DEPDC4: variants seen among roughly 807,000 people sequenced by gnomAD.
DEPDC4 encodes DEP domain-containing protein 4.
A neutral mutation model predicts 52.0 loss-of-function variants in DEPDC4; 52 were observed. That is an observed-to-expected ratio of 1.00 (90% confidence interval 0.80 to 1.26). The LOEUF (loss-of-function observed/expected upper bound fraction) is 1.26. Ranked by LOEUF, DEPDC4 falls within the 50% of genes most tolerant of loss-of-function variation. The probability of loss-of-function intolerance (pLI) is 0.00; values close to 1 mark genes in which losing one functional copy is unlikely to be tolerated. For synonymous variants in DEPDC4, 201 were observed against 196.8 expected, an observed-to-expected ratio of 1.02 and a Z score of -0.18; for missense variants, 530 against 546.9, an observed-to-expected ratio of 0.97 and a Z score of 0.31.
the DEPDC4 span, among the ~76,000 whole-genome samples, chr12:100,279,537 T>C: frequency 6.6e-6 from 1 of 152,252 alleles, no homozygotes; most frequent in Non-Finnish European, 1.5e-5. Context: ...AGTATCTGAA[T>C]TTTTTTGTGC....
upstream of DEPDC4, among the ~76,000 whole-genome samples, chr12:100,270,082 G>A (rs917395479): frequency 6.6e-6 from 1 of 151,770 alleles, no homozygotes; most frequent in Non-Finnish European, 1.5e-5. Flanking sequence ...CGCCTCCCAG[G>A]TTCACGCCAT....
chr12:100,261,582 TAAG>T (rs1410126904), intron 3 of DEPDC4: 1 of 384,242 alleles, frequency 2.6e-6, no homozygotes, highest in East Asian at 7.2e-5. Flanking sequence ...ATACACTCAT[TAAG>T]AAGATGGTCT....
chr12:100,241,996 C>A (rs2096161282), intron 9 of DEPDC4, 151 bp from the exon 10 acceptor site: 3 of 284,612 alleles, frequency 1.1e-5, no homozygotes, highest in Non-Finnish European at 1.6e-5. Context: ...TTCAAAAGTG[C>A]TTTTACTTTA....
chr12:100,246,253 A>G (rs2096184966), intron 8 of DEPDC4, among the ~76,000 whole-genome samples: 1 of 151,190 alleles, frequency 6.6e-6, no homozygotes, highest in Non-Finnish European at 1.5e-5. Flanking sequence ...GACTCCTATT[A>G]TGCGTTATCT....
chr12:100,271,532 G>A (rs1396137602), upstream of DEPDC4, among the ~76,000 whole-genome samples: 2 of 152,098 alleles, frequency 1.3e-5, no homozygotes, highest in South Asian at 2.1e-4. Flanking sequence ...TCAGACCTTT[G>A]TGCCCCTTTA....
At chr12:100,271,395 G>T (rs540508175), upstream of DEPDC4, among the ~76,000 whole-genome samples, 5 of 151,734 alleles carry the variant, frequency 3.3e-5, no homozygotes, top group Admixed American at 2.6e-4. Flanking sequence ...GTATTTAACC[G>T]TATTTCATGT....
chr12:100,259,576 G>A (rs112345529), intron 3 of DEPDC4, among the ~76,000 whole-genome samples: 3,517 of 152,272 alleles, frequency 0.023, 94 homozygotes, highest in African/African-American at 0.066. Context: ...ACAAAATAAT[G>A]TAAACATGCT....
chr12:100,266,990 A>G lies in DEPDC4; in HGVS notation c.87T>C (p.Leu29=), dbSNP rs1206579030. ...RFRRLVSQNE[L]PGPGLNGPSS... ...TTGGCCCGTTCAGCCCTGGGCCCGG[A>G]AGCTCGTTCTGACTGACAAGTCTAC... Residue 29 remains leucine, a synonymous_variant, in exon 1 of 10, where the codon CTT becomes CTC. Transcript: ENST00000550587. 6.2e-7 allele frequency: 1 copy of G among 1,614,074 alleles called. No individual in the cohort carries two copies.
intron 4 of DEPDC4, among the ~76,000 whole-genome samples, chr12:100,254,202 T>C (rs922983557): frequency 1.3e-5 from 2 of 152,044 alleles, no homozygotes; most frequent in African/African-American, 4.8e-5. Context: ...GGTGACTCCT[T>C]TGGAAGGCCT....
chr12:100,267,011 T>C lies in DEPDC4; in HGVS notation c.66A>G (p.Arg22=), dbSNP rs1248080363. The change falls in exon 1 of 10, where the codon AGA becomes AGG. Residue 22 remains arginine (R), a synonymous_variant. Coordinates refer to ENST00000550587, the MANE Select transcript of DEPDC4 (RefSeq NM_001364818.2). ...MAVLLTPRFR[R]LVSQNELPGP... is the part of the protein sequence containing the mutation. Reference sequence around the variant, plus strand: ...CCGGAAGCTCGTTCTGACTGACAAGTCTACGGAACCTCGGAGTCAAAAGAA... The same window carrying C: ...CCGGAAGCTCGTTCTGACTGACAAGCCTACGGAACCTCGGAGTCAAAAGAA... 2 of 1,613,974 alleles carry C rather than the reference T, an allele frequency of 1.2e-6. No homozygotes were observed. Among genetic ancestry groups the C allele is most frequent in the Non-Finnish European group, 1.7e-6 (2 of 1,179,980 alleles).
upstream of DEPDC4, chr12:100,267,104 G>T: frequency 6.2e-7 from 1 of 1,608,664 alleles, no homozygotes; most frequent in Middle Eastern, 1.7e-4. Context: ...CACCCGGGGC[G>T]GAGAGAAGTA....
chr12:100,254,822 A>G (rs1030231826), intron 4 of DEPDC4, among the ~76,000 whole-genome samples: 4 of 152,138 alleles, frequency 2.6e-5, no homozygotes, highest in Admixed American at 6.5e-5. Flanking sequence ...CCTGGGCTCA[A>G]GTGATCCTTT....
At chr12:100,242,671 C>A (rs2096164769) in intron 8 of DEPDC4, 102 bp from the exon 9 acceptor site, 1 of 154,798 alleles carries the variant, frequency 6.5e-6, no homozygotes, top group African/African-American at 2.4e-5. Flanking sequence ...GTCTTCAACA[C>A]TATGCTATGC....
chr12:100,262,885 T>G (rs1461876091), intron 2 of DEPDC4, among the ~76,000 whole-genome samples: 1 of 152,224 alleles, frequency 6.6e-6, no homozygotes, highest in Admixed American at 6.5e-5. Flanking sequence ...GAATAATATA[T>G]ATTTTTGGTT....
At chr12:100,253,802 G>A in intron 4 of DEPDC4, 87 bp from the exon 5 acceptor site, 1 of 737,204 alleles carries the variant, frequency 1.4e-6, no homozygotes, top group South Asian at 1.8e-5. Context: ...GAAAAAATCT[G>A]GCTTATTTAA....
intron 2 of DEPDC4, 123 bp from the exon 3 acceptor site, chr12:100,262,532 G>T (rs535162292): frequency 4.4e-6 from 3 of 680,872 alleles, no homozygotes; most frequent in African/African-American, 3.8e-5. Flanking sequence ...ATTTCAGGCA[G>T]CTTATAATAA....
chr12:100,248,539 C>A (rs916293062), intron 8 of DEPDC4, among the ~76,000 whole-genome samples: 1 of 152,044 alleles, frequency 6.6e-6, no homozygotes, highest in African/African-American at 2.4e-5. Flanking sequence ...AAAAAAGAAG[C>A]AGGCAAGGGA....
chr12:100,273,405 G>A, the DEPDC4 span, among the ~76,000 whole-genome samples: 14 of 152,068 alleles, frequency 9.2e-5, no homozygotes, highest in Non-Finnish European at 1.6e-4. Context: ...GGCTAGTGCT[G>A]TGGTGGTTTT....
Position 100,240,061 on chromosome 12 carries a change from ATCTG to A in DEPDC4, c.*1827_*1830del, listed in dbSNP as rs2096152437. On this transcript the variant is annotated 3_prime_UTR_variant, in exon 10 of 10. Transcript: ENST00000550587. ...TATACAAAAAGATAAAACTGATGAC[ATCTG>A]TCTAATATAGTTTATTTTTTCAAGA... is the stretch of plus-strand genomic sequence containing the variant. Among the ~76,000 whole-genome samples, 2 of 152,180 alleles carry A rather than the reference ATCTG, an allele frequency of 1.3e-5. No individual in the cohort carries two copies. The highest frequency in any genetic ancestry group is 4.8e-5 in the African/African-American group (2 of 41,442).
Sources: allele counts gnomAD v4.1 joint callset (sites outside exome capture counted in the v4.1 genomes callset), GRCh38; gene constraint gnomAD v4.1.1; transcripts MANE v1.5; gene names NCBI Gene and HGNC (gene_info 2026-07-23, HGNC 2026-07-21).